Variants in ATAD2B observed in about 807,000 individuals in gnomAD.
ATAD2B encodes the protein ATPase family AAA domain containing 2B.
A neutral mutation model predicts 167.6 loss-of-function variants in ATAD2B; 40 were observed. The observed-to-expected ratio is 0.24, with a 90% CI of 0.19 to 0.31. The LOEUF (loss-of-function observed/expected upper bound fraction) is 0.31, where lower values mean the gene tolerates loss of function less well. Among genes scored for constraint, ATAD2B ranks in the 10% least tolerant of loss-of-function variants. The pLI is 1.00. For missense variants in ATAD2B, 1,242 were observed against 1,757.2 expected, an observed-to-expected ratio of 0.71 and a Z score of 5.24; for synonymous variants, 579 against 596.5, an observed-to-expected ratio of 0.97 and a Z score of 0.43.
chr2:23,843,725 G>A (rs1003285476), intron 13 of ATAD2B, among the ~76,000 whole-genome samples: 1 of 152,004 alleles, frequency 6.6e-6, no homozygotes, highest in Non-Finnish European at 1.5e-5. Flanking sequence ...AACTACCCAA[G>A]GCTTGGGGAA....
chr2:23,843,536 G>A (rs1691269183), intron 13 of ATAD2B, among the ~76,000 whole-genome samples: 1 of 152,206 alleles, frequency 6.6e-6, no homozygotes, highest in African/African-American at 2.4e-5. Flanking sequence ...TCCTGGCAGA[G>A]GCCAGCTAAC....
At chr2:23,759,245 TA>T (rs1200618308) in intron 24 of ATAD2B, among the ~76,000 whole-genome samples, 1 of 152,052 alleles carries the variant, frequency 6.6e-6, no homozygotes, top group African/African-American at 2.4e-5. Flanking sequence ...AATTTTAACT[TA>T]AAAAAAGACA....
chr2:23,887,344 G>A (rs1314289116), intron 4 of ATAD2B, among the ~76,000 whole-genome samples: 3 of 152,070 alleles, frequency 2.0e-5, no homozygotes, highest in Non-Finnish European at 4.4e-5. Flanking sequence ...ACAGTCTCCA[G>A]CCACCACACT....
chr2:23,736,730 G>A, the ATAD2B span, among the ~76,000 whole-genome samples: 290 of 152,264 alleles, frequency 1.9e-3, 1 homozygote, highest in South Asian at 0.015. Context: ...TGCGCGAGCC[G>A]AAGCAGGGTG....
the ATAD2B span, among the ~76,000 whole-genome samples, chr2:23,692,789 G>A: frequency 7.2e-5 from 11 of 152,104 alleles, no homozygotes; most frequent in Non-Finnish European, 1.3e-4. Flanking sequence ...AGAGCCTAGC[G>A]AGCCAGATTG....
At chr2:23,756,102 AT>A (rs1675921731) in intron 25 of ATAD2B, among the ~76,000 whole-genome samples, 1 of 152,130 alleles carries the variant, frequency 6.6e-6, no homozygotes, top group Non-Finnish European at 1.5e-5. Flanking sequence ...AGACTCCTCT[AT>A]CCCCACCCAT....
intron 9 of ATAD2B, among the ~76,000 whole-genome samples, chr2:23,868,634 G>A (rs1054129889): frequency 6.6e-6 from 1 of 152,000 alleles, no homozygotes; most frequent in South Asian, 2.1e-4. Context: ...TCAGTTATAT[G>A]ATTGAAAAAA....
chr2:23,684,391 T>C, the ATAD2B span: 1 of 1,516,408 alleles, frequency 6.6e-7, no homozygotes, highest in Non-Finnish European at 8.8e-7. This position sits in a 1 kb window ranked among gnomAD's most constrained non-coding sequence, Gnocchi z 4.4. Flanking sequence ...GTCTTCTCTG[T>C]TCTGCAGAAA....
At chr2:23,896,009 T>C in intron 1 of ATAD2B, 39 bp from the exon 2 acceptor site, 1 of 1,521,510 alleles carries the variant, frequency 6.6e-7, no homozygotes, top group Non-Finnish European at 9.0e-7. Context: ...TTATTCCTAT[T>C]AAGATAAATA....
At chr2:23,692,003 A>C in the ATAD2B span, 1 of 872,182 alleles carries the variant, frequency 1.1e-6, no homozygotes, top group Non-Finnish European at 1.8e-6. Flanking sequence ...CATGTGGCTG[A>C]GTTTGGCAGG....
In ATAD2B at chr2:23,818,139, C is replaced by CAG. The variant is rs1228787320; in HGVS notation, c.2267+1607_2267+1608insCT. ...CACACACATTACACACACACACACA[C>CAG]ACAGAGAGAGAGAAGGAGGGAGGGA... On this transcript the variant is annotated intron_variant, in intron 17 of 27. Transcript: ENST00000238789. Among the ~76,000 whole-genome samples, 26 of 131,148 alleles carry CAG rather than the reference C, an allele frequency of 2.0e-4. 1 individual carries two copies. The highest frequency in any genetic ancestry group is 6.6e-4 in the Admixed American group (8 of 12,154). 86.0% of individuals were successfully genotyped at this position (131,148 alleles called of 152,430 possible). A position where few individuals can be genotyped will look rare whatever the true frequency, so the allele number is the denominator to read the frequency against.
the ATAD2B span, among the ~76,000 whole-genome samples, chr2:23,705,994 G>A: frequency 0.15 from 22,655 of 152,194 alleles, 2,131 homozygotes; most frequent in Non-Finnish European, 0.2. Context: ...TGGGTGGGCA[G>A]CAGCACCAGG....
At chr2:23,905,762 T>A (rs1701394126) in intron 1 of ATAD2B, among the ~76,000 whole-genome samples, 1 of 152,232 alleles carries the variant, frequency 6.6e-6, no homozygotes, top group Non-Finnish European at 1.5e-5. Flanking sequence ...ATAAGCTTAT[T>A]AATTACTTTC....
the ATAD2B span, among the ~76,000 whole-genome samples, chr2:23,741,691 A>G: frequency 6.6e-6 from 1 of 152,198 alleles, no homozygotes; most frequent in Non-Finnish European, 1.5e-5. Flanking sequence ...ACAAAAGCCA[A>G]AATTGACAAA....
At chr2:23,762,451 A>C (rs1022202544) in intron 23 of ATAD2B, 105 bp from the exon 24 acceptor site, 29 of 1,229,506 alleles carry the variant, frequency 2.4e-5, no homozygotes, top group African/African-American at 3.1e-5. Context: ...AAAGTCATTA[A>C]TTATACTAGG....
At chr2:23,734,313 C>T in the ATAD2B span, among the ~76,000 whole-genome samples, 34 of 152,200 alleles carry the variant, frequency 2.2e-4, no homozygotes, top group African/African-American at 4.3e-4. Flanking sequence ...CGTGTCACCA[C>T]GCCTGGCTAA....
intron 5 of ATAD2B, among the ~76,000 whole-genome samples, 152 bp downstream of exon 5, chr2:23,885,575 C>T (rs1030251997): frequency 6.6e-6 from 1 of 152,158 alleles, no homozygotes; most frequent in Non-Finnish European, 1.5e-5. Context: ...AGAAAAGAAA[C>T]AAGCAAGCAA....
At chr2:23,873,560 T>C (rs1416938869) in intron 8 of ATAD2B, among the ~76,000 whole-genome samples, 2 of 152,196 alleles carry the variant, frequency 1.3e-5, no homozygotes, top group African/African-American at 2.4e-5. Context: ...CTTTAAATCA[T>C]CTCTAAATTA....
the ATAD2B span, among the ~76,000 whole-genome samples, chr2:23,681,957 C>T: frequency 6.6e-6 from 1 of 152,114 alleles, no homozygotes; most frequent in Admixed American, 6.5e-5. This position sits in a 1 kb window ranked among gnomAD's most constrained non-coding sequence, Gnocchi z 4.2. Context: ...GCTGGGCTCT[C>T]TACCTTGTCT....
Sources: gnomAD v4.1 joint callset for allele counts (sites outside exome capture counted in the v4.1 genomes callset) on GRCh38, gnomAD v4.1.1 for gene constraint, Gnocchi (gnomAD v3.1) non-coding constraint, MANE v1.5 for transcripts, NCBI Gene and HGNC (gene_info 2026-07-23, HGNC 2026-07-21) for gene names.